The following ATP11B variants were observed in gnomAD, a reference collection of about 807,000 sequenced individuals.
ATP11B encodes ATPase phospholipid transporting 11B (putative), also known as phospholipid-transporting ATPase IF.
A neutral mutation model predicts 157.8 loss-of-function variants in ATP11B; 81 were observed. The observed-to-expected ratio is 0.51, with a 90% CI of 0.43 to 0.62. ATP11B has a LOEUF of 0.62. Among genes scored for constraint, ATP11B ranks in the 20% least tolerant of loss-of-function variants. The pLI is 0.00. For missense variants in ATP11B, 1,165 were observed against 1,402.2 expected (o/e 0.83, Z 2.70); for synonymous variants, 451 against 469.4 (o/e 0.96, Z 0.51).
At chr3:182,809,903 A>G (rs776006040) in intron 1 of ATP11B, among the ~76,000 whole-genome samples, 11 of 152,224 alleles carry the variant, frequency 7.2e-5, no homozygotes, top group Admixed American at 1.3e-4. Flanking sequence ...ATTGGTTGCT[A>G]AAGTACATTT....
chr3:182,909,116 T>G (rs1490057726), intron 28 of ATP11B, among the ~76,000 whole-genome samples: 10 of 152,176 alleles, frequency 6.6e-5, no homozygotes, highest in African/African-American at 2.4e-4. Flanking sequence ...TTTCTAAAAT[T>G]TATAAGATTT....
intron 9 of ATP11B, among the ~76,000 whole-genome samples, chr3:182,846,739 A>G (rs1719563666): frequency 6.6e-6 from 1 of 152,246 alleles, no homozygotes; most frequent in Non-Finnish European, 1.5e-5. Flanking sequence ...CACATGTTGT[A>G]TGATTCCATT....
At chr3:182,794,023 C>A (rs1715427176) in intron 1 of ATP11B, among the ~76,000 whole-genome samples, 1 of 152,096 alleles carries the variant, frequency 6.6e-6, no homozygotes, top group South Asian at 2.1e-4. Context: ...GAGGCGGCCG[C>A]TTCTAGCCGG....
Position 182,793,600 on chromosome 3 carries a change from G to T in ATP11B, c.-160G>T. 1 of 399,816 alleles carries T rather than the reference G, an allele frequency of 2.5e-6. No homozygotes were observed. The highest frequency in any genetic ancestry group is 4.3e-6 in the Non-Finnish European group (1 of 230,460). 24.8% of individuals were successfully genotyped at this position (399,816 alleles called of 1,614,324 possible). A position where few individuals can be genotyped will look rare whatever the true frequency, so the allele number is the denominator to read the frequency against. ...TGTAGGACTCGGGGCCGACGCCGCG[G>T]GATGGGGACGCGGCGCGGGGAGTGA... On this transcript the variant is annotated 5_prime_UTR_variant, in exon 1 of 30. Coordinates refer to ENST00000323116, the MANE Select transcript of ATP11B (RefSeq NM_014616.3).
In ATP11B at chr3:182,898,789, A is replaced by G. The variant is rs770504641; in HGVS notation, c.3318+17A>G. On this transcript the variant is annotated intron_variant, in intron 28 of 29. Transcript: ENST00000323116. ...AAGGCACAGGTAACCACTTTTTATA[A>G]TAAATTCAATATCTTTTTAGTTAGG... 4 of 1,450,996 alleles carry G rather than the reference A, an allele frequency of 2.8e-6. No homozygotes were observed. In the African/African-American group the frequency reaches 5.8e-5, roughly 21 times the overall value. 89.9% of individuals were successfully genotyped at this position (1,450,996 alleles called of 1,614,324 possible). A position where few individuals can be genotyped will look rare whatever the true frequency, so the allele number is the denominator to read the frequency against.
chr3:182,850,346 G>T (rs1009972837), intron 10 of ATP11B, among the ~76,000 whole-genome samples: 2 of 152,170 alleles, frequency 1.3e-5, no homozygotes, highest in Non-Finnish European at 2.9e-5. Context: ...GGTGGCGGGT[G>T]CCTGTAGTCC....
intron 21 of ATP11B, among the ~76,000 whole-genome samples, chr3:182,882,395 A>G (rs890378524): frequency 1.3e-5 from 2 of 152,176 alleles, no homozygotes; most frequent in Non-Finnish European, 2.9e-5. Context: ...ACCAGTGACT[A>G]GAATACATTC....
rs1720543115 is a variant in ATP11B, at chr3:182,857,958, G to T, written c.932G>T (p.Trp311Leu). 1 of 1,609,824 alleles carries T rather than the reference G, an allele frequency of 6.2e-7. No individual in the cohort carries two copies. The highest frequency in any genetic ancestry group is 1.7e-5 in the Admixed American group (1 of 59,956). ...AVISTILKYT[W>L]QAEEKWDEPW... ...ATCAGCACTATCTTGAAGTATACAT[G>T]GCAAGCTGAAGAAAAATGGGATGAA... The change falls in exon 11 of 30, where the codon TGG becomes TTG. Residue 311 changes from tryptophan to leucine, a missense_variant. Trp to Leu is a moderately conservative substitution (Grantham distance 61). This residue lies in a region of ATP11B where 737 missense variants were observed against 930.5 expected (regional missense o/e 0.79). Coordinates refer to ENST00000323116, the MANE Select transcript of ATP11B (RefSeq NM_014616.3).
intron 7 of ATP11B, among the ~76,000 whole-genome samples, chr3:182,840,361 T>C (rs1341433787): frequency 6.6e-6 from 1 of 152,134 alleles, no homozygotes; most frequent in Non-Finnish European, 1.5e-5. Flanking sequence ...GTTCCTTCTC[T>C]ACCTTACCTT....
At chr3:182,801,126 G>T (rs1397664118) in intron 1 of ATP11B, among the ~76,000 whole-genome samples, 2 of 152,120 alleles carry the variant, frequency 1.3e-5, no homozygotes, top group East Asian at 3.8e-4. Context: ...TTAGCATGTA[G>T]TTTATCCTCC....
intron 26 of ATP11B, 52 bp downstream of exon 26, chr3:182,896,817 T>C: frequency 1.5e-6 from 2 of 1,336,228 alleles, no homozygotes; most frequent in Non-Finnish European, 2.1e-6. Context: ...GTTTACATAG[T>C]TAGTTAACTT....
chr3:182,887,854 GA>G, intron 24 of ATP11B, 141 bp downstream of exon 24: 3 of 907,288 alleles, frequency 3.3e-6, no homozygotes, highest in South Asian at 1.8e-5. Flanking sequence ...GAATATCAGA[GA>G]AAAAAAGGTT....
intron 1 of ATP11B, among the ~76,000 whole-genome samples, chr3:182,803,449 C>T (rs75890845): frequency 0.019 from 2,816 of 152,118 alleles, 88 homozygotes; most frequent in African/African-American, 0.065. Context: ...CTAGTCTGTT[C>T]CGTGTATTTA....
intron 10 of ATP11B, among the ~76,000 whole-genome samples, chr3:182,850,050 T>A (rs1020978736): frequency 6.6e-6 from 1 of 152,176 alleles, no homozygotes; most frequent in Admixed American, 6.5e-5. Context: ...ATATAAGCGA[T>A]AACCAGTTCT....
chr3:182,897,627 A>C (rs560812918), intron 27 of ATP11B, among the ~76,000 whole-genome samples: 2 of 152,162 alleles, frequency 1.3e-5, no homozygotes, highest in South Asian at 4.1e-4. Flanking sequence ...GATTCATCAT[A>C]ATAATGATCC....
chr3:182,847,160 C>T (rs932841470), intron 9 of ATP11B, among the ~76,000 whole-genome samples: 1 of 151,216 alleles, frequency 6.6e-6, no homozygotes, highest in Non-Finnish European at 1.5e-5. Context: ...AAGCAATTCT[C>T]CTGCCTCAGC....
At chr3:182,873,280 A>C (rs1721795581) in intron 18 of ATP11B, among the ~76,000 whole-genome samples, 1 of 152,044 alleles carries the variant, frequency 6.6e-6, no homozygotes, top group South Asian at 2.1e-4. Context: ...GTTTGTTGTT[A>C]TGTTTGCCTC....
intron 1 of ATP11B, among the ~76,000 whole-genome samples, chr3:182,810,321 G>C (rs1401510669): frequency 6.6e-6 from 1 of 152,134 alleles, no homozygotes; most frequent in Non-Finnish European, 1.5e-5. Context: ...GATGGAGCAA[G>C]ACTCCACCTC....
At chr3:182,820,452 G>A in intron 2 of ATP11B, 76 bp downstream of exon 2, 1 of 994,354 alleles carries the variant, frequency 1.0e-6, no homozygotes, top group Non-Finnish European at 1.6e-6. Context: ...GGGAGGCCAA[G>A]GCGAGAGGAT....
Sources: allele counts gnomAD v4.1 joint callset (sites outside exome capture counted in the v4.1 genomes callset), GRCh38; gene constraint gnomAD v4.1.1; regional missense constraint gnomAD v4.1.1; transcripts MANE v1.5; gene names NCBI Gene and HGNC (gene_info 2026-07-23, HGNC 2026-07-21).